Variants in RARB observed in about 807,000 individuals in gnomAD.
RARB encodes retinoic acid receptor beta.
RARB carries 17 observed loss-of-function variants against 51.9 expected under a neutral mutation model. The observed-to-expected ratio is 0.33, with a 90% CI of 0.22 to 0.49. The LOEUF (loss-of-function observed/expected upper bound fraction) is 0.49, where lower values mean the gene tolerates loss of function less well. Among genes scored for constraint, RARB ranks in the 20% least tolerant of loss-of-function variants. RARB has a pLI of 0.99. For synonymous variants in RARB, 215 were observed against 195.4 expected (o/e 1.10, Z -0.84); for missense variants, 369 against 550.8 (o/e 0.67, Z 3.30).
chr3:25,010,454 T>C (rs889656151), intron 2 of RARB, among the ~76,000 whole-genome samples: 1 of 152,176 alleles, frequency 6.6e-6, no homozygotes, highest in African/African-American at 2.4e-5. Context: ...ATATTTTACT[T>C]TGCATACTGA....
At chr3:25,032,111 CTAT>C (rs1349917092) in intron 2 of RARB, among the ~76,000 whole-genome samples, 2 of 152,144 alleles carry the variant, frequency 1.3e-5, no homozygotes, top group Non-Finnish European at 2.9e-5. Context: ...CCCTAAAAAA[CTAT>C]TAATAGGTCC....
intron 3 of RARB, among the ~76,000 whole-genome samples, chr3:25,529,350 A>G (rs1161121284): frequency 6.6e-6 from 1 of 152,186 alleles, no homozygotes; most frequent in Non-Finnish European, 1.5e-5. Flanking sequence ...AAACAATGAA[A>G]TACTATACAA....
chr3:24,902,057 G>T (rs1457211379), intron 2 of RARB, among the ~76,000 whole-genome samples: 2 of 151,668 alleles, frequency 1.3e-5, no homozygotes, highest in African/African-American at 4.8e-5. Flanking sequence ...GGAAAGAACA[G>T]CAAAGAAAGA....
intron 4 of RARB, among the ~76,000 whole-genome samples, chr3:25,167,518 G>A (rs1700579162): frequency 6.6e-6 from 1 of 152,182 alleles, no homozygotes; most frequent in Non-Finnish European, 1.5e-5. Context: ...GTGGAATCTT[G>A]GCCAGTCCCA....
intron 5 of RARB, among the ~76,000 whole-genome samples, chr3:25,183,974 T>A (rs2125359083): frequency 6.6e-6 from 1 of 152,306 alleles, no homozygotes; most frequent in South Asian, 2.1e-4. Flanking sequence ...CTATGTAAGC[T>A]TCTTTGAGGT....
At chr3:25,026,569 C>G (rs1193025655) in intron 2 of RARB, among the ~76,000 whole-genome samples, 1 of 152,180 alleles carries the variant, frequency 6.6e-6, no homozygotes, top group Non-Finnish European at 1.5e-5. Context: ...AGGGTCTACT[C>G]ATATGATCTC....
At chr3:25,053,162 C>T (rs1298381150) in intron 2 of RARB, among the ~76,000 whole-genome samples, 1 of 152,086 alleles carries the variant, frequency 6.6e-6, no homozygotes, top group Non-Finnish European at 1.5e-5. Flanking sequence ...CGTAATTAAC[C>T]TAGTAAATAG....
intron 5 of RARB, among the ~76,000 whole-genome samples, chr3:25,194,694 A>G (rs1384859060): frequency 6.6e-6 from 1 of 151,584 alleles, no homozygotes; most frequent in Non-Finnish European, 1.5e-5. Context: ...GAAGTTTTAA[A>G]TAAATGTTTA....
intron 2 of RARB, among the ~76,000 whole-genome samples, chr3:24,891,752 G>C (rs981113574): frequency 1.3e-5 from 2 of 152,108 alleles, no homozygotes; most frequent in African/African-American, 4.8e-5. Context: ...AGGTCAAGGA[G>C]AACAAAGTGG....
intron 2 of RARB, among the ~76,000 whole-genome samples, chr3:25,003,880 A>G (rs1697217068): frequency 6.6e-6 from 1 of 152,130 alleles, no homozygotes; most frequent in African/African-American, 2.4e-5. Flanking sequence ...GTTGAATGAT[A>G]TGATTTGACA....
chr3:25,590,802 C>G (rs1050604921), intron 5 of RARB, among the ~76,000 whole-genome samples: 43 of 152,320 alleles, frequency 2.8e-4, no homozygotes, highest in African/African-American at 9.4e-4. Context: ...TTGACTGTCA[C>G]TTGATAACTC....
At chr3:25,565,721 G>T (rs1688983563) in intron 3 of RARB, among the ~76,000 whole-genome samples, 1 of 152,146 alleles carries the variant, frequency 6.6e-6, no homozygotes, top group African/African-American at 2.4e-5. Context: ...ATCCCCACAA[G>T]TCCTTGGTGT....
intron 1 of RARB, among the ~76,000 whole-genome samples, chr3:25,445,478 AAC>A (rs1708888888): frequency 6.6e-6 from 1 of 152,080 alleles, no homozygotes; most frequent in Non-Finnish European, 1.5e-5. Context: ...CAGCCTGGCC[AAC>A]ATGGTGAAAC....
intron 5 of RARB, among the ~76,000 whole-genome samples, chr3:25,311,522 A>G (rs1285028290): frequency 2.0e-5 from 3 of 152,360 alleles, no homozygotes; most frequent in Non-Finnish European, 1.5e-5. Context: ...TTAATTAACA[A>G]TAGCTATACC....
At chr3:25,420,128 T>C (rs1707818852) in intron 5 of RARB, among the ~76,000 whole-genome samples, 1 of 152,212 alleles carries the variant, frequency 6.6e-6, no homozygotes, top group African/African-American at 2.4e-5. Flanking sequence ...AATGTGCTTT[T>C]ATGCATATCT....
intron 3 of RARB, among the ~76,000 whole-genome samples, chr3:25,112,458 T>C (rs968040786): frequency 6.6e-6 from 1 of 152,100 alleles, no homozygotes; most frequent in Admixed American, 6.6e-5. Context: ...TGTTATAGAG[T>C]ATTAAATAAC....
chr3:25,220,280 C>A lies in RARB; in HGVS notation c.178+45705C>A, dbSNP rs1701919260. On this transcript the variant is annotated intron_variant, in intron 5 of 11. Transcript: ENST00000383772. ...CTGTTAGGAAAACAGAACAATTTTT[C>A]TGTATGTAGGAATTCATCTTGCAGT... 2.6e-5 allele frequency among the ~76,000 whole-genome samples: 4 copies of A among 152,226 alleles called. No individual in the cohort carries two copies. In the South Asian group the frequency reaches 8.3e-4, roughly 32 times the overall value.
intron 4 of RARB, among the ~76,000 whole-genome samples, chr3:25,140,258 C>T (rs1178349961): frequency 6.6e-6 from 1 of 152,152 alleles, no homozygotes; most frequent in East Asian, 1.9e-4. Flanking sequence ...AATTGAAAAT[C>T]TTCTAGAAAT....
intron 5 of RARB, among the ~76,000 whole-genome samples, chr3:25,185,322 T>C (rs1700951083): frequency 6.6e-6 from 1 of 152,148 alleles, no homozygotes; most frequent in Non-Finnish European, 1.5e-5. Context: ...GAGGATCCTT[T>C]AGAGTTGGAG....
Sources: allele counts gnomAD v4.1 joint callset (sites outside exome capture counted in the v4.1 genomes callset), GRCh38; gene constraint gnomAD v4.1.1; transcripts MANE v1.5; gene names NCBI Gene and HGNC (gene_info 2026-07-23, HGNC 2026-07-21).